ADARB2: variants seen among roughly 807,000 people sequenced by gnomAD.
ADARB2 encodes adenosine deaminase RNA specific B2 (inactive).
Under a neutral mutation model 62.2 loss-of-function variants are expected in ADARB2, and 25 were observed. That is an observed-to-expected ratio of 0.40 (90% CI 0.29 to 0.56). ADARB2 has a LOEUF of 0.56. Among genes scored for constraint, ADARB2 ranks in the 20% least tolerant of loss-of-function variants. The pLI is 0.43. For missense variants in ADARB2, 1,071 were observed against 1,077.4 expected, an observed-to-expected ratio of 0.99 and a Z score of 0.08; for synonymous variants, 572 against 500.8, an observed-to-expected ratio of 1.14 and a Z score of -1.90.
At chr10:1,690,265 C>T (rs562625086) in intron 1 of ADARB2, among the ~76,000 whole-genome samples, 17 of 152,322 alleles carry the variant, frequency 1.1e-4, no homozygotes, top group African/African-American at 3.8e-4. Context: ...AGACACAGTA[C>T]CAGAAAGTAT....
At position 1,200,110 on chromosome 10, in the gene ADARB2, G is replaced by C; in HGVS notation, c.1720C>G (p.His574Asp). 6.4e-7 allele frequency: 1 copy of C among 1,557,902 alleles called. No homozygotes were observed. Among genetic ancestry groups the C allele is most frequent in the Non-Finnish European group, 8.7e-7 (1 of 1,152,030 alleles). Residue 574 changes from histidine to aspartate, a missense_variant, in exon 8 of 10, where the codon CAC (histidine) becomes GAC (aspartate). Transcript: ENST00000381312. ...TGCAGGTACACGGGCTCCACGAAGT[G>C]GGACAGGAGCGCGCCCTGCAGCCCC... ...VLGLQGALLS[H>D]FVEPVYLQSI...
In ADARB2 at chr10:1,368,233, C is replaced by T. The variant is rs377408575; in HGVS notation, c.188-4316G>A. On this transcript the variant is annotated intron_variant, in intron 2 of 9. Coordinates refer to ENST00000381312, the MANE Select transcript of ADARB2 (RefSeq NM_018702.4). The stretch of plus-strand genomic sequence containing the variant: ...AGTCTGGCCAACTGATTTTTTAAGG[C>T]AGAAAATGAAGATTTAAAAAATATT... Among the ~76,000 whole-genome samples the T allele has an allele frequency of 8.2e-5, 12 of 146,748 alleles. No individual in the cohort carries two copies. In the East Asian group the frequency reaches 1.7e-3, roughly 21 times the overall value.
intron 1 of ADARB2, among the ~76,000 whole-genome samples, chr10:1,405,474 AC>A (rs1832699327): frequency 6.6e-6 from 1 of 152,026 alleles, no homozygotes; most frequent in Non-Finnish European, 1.5e-5. Flanking sequence ...TACTAAAAAT[AC>A]AAAAATTAGC....
chr10:1,187,757 G>T, intron 8 of ADARB2: 1 of 340,152 alleles, frequency 2.9e-6, no homozygotes, highest in Non-Finnish European at 6.4e-6. Flanking sequence ...CACACTCCGG[G>T]GACAGAAGGA....
chr10:1,280,659 G>A (rs1831362388), intron 3 of ADARB2, among the ~76,000 whole-genome samples: 2 of 151,466 alleles, frequency 1.3e-5, no homozygotes, highest in South Asian at 4.1e-4. Context: ...GATGCTCCGT[G>A]ATATTCCTGA....
intron 3 of ADARB2, among the ~76,000 whole-genome samples, chr10:1,296,767 T>C (rs1417842403): frequency 1.3e-5 from 2 of 152,210 alleles, no homozygotes; most frequent in African/African-American, 4.8e-5. Context: ...AACAACATAA[T>C]TGGAAAATGG....
At chr10:1,639,081 A>G (rs945861371) in intron 1 of ADARB2, among the ~76,000 whole-genome samples, 1 of 152,228 alleles carries the variant, frequency 6.6e-6, no homozygotes, top group Non-Finnish European at 1.5e-5. Flanking sequence ...CAGGGAGCAG[A>G]CATGCTGTGG....
At chr10:1,403,865 C>A (rs1832685143) in intron 1 of ADARB2, among the ~76,000 whole-genome samples, 1 of 152,228 alleles carries the variant, frequency 6.6e-6, no homozygotes, top group Admixed American at 6.5e-5. Flanking sequence ...GTCCTAGCCT[C>A]CCCTGCTCCT....
chr10:1,701,888 C>T (rs1346783836), intron 1 of ADARB2, among the ~76,000 whole-genome samples: 2 of 150,912 alleles, frequency 1.3e-5, no homozygotes, highest in Non-Finnish European at 3.0e-5. Flanking sequence ...ACCAGGCGCT[C>T]GCCAATACAC....
chr10:1,531,213 G>T (rs1832231782), intron 1 of ADARB2, among the ~76,000 whole-genome samples: 1 of 152,224 alleles, frequency 6.6e-6, no homozygotes, highest in South Asian at 2.1e-4. Flanking sequence ...GAATGATCTA[G>T]TAAATTAGTG....
intron 1 of ADARB2, among the ~76,000 whole-genome samples, chr10:1,494,006 G>A (rs1295641467): frequency 5.9e-5 from 9 of 151,728 alleles, no homozygotes; most frequent in East Asian, 3.9e-4. Flanking sequence ...CACCTGCCTC[G>A]GCCTCCCAAA....
intron 1 of ADARB2, among the ~76,000 whole-genome samples, chr10:1,497,882 G>A (rs1240725472): frequency 1.3e-5 from 2 of 152,052 alleles, no homozygotes; most frequent in African/African-American, 2.4e-5. Context: ...CTTCCTGGAG[G>A]GCATGGAAGT....
chr10:1,271,218 G>A lies in ADARB2; in HGVS notation c.1078-149C>T, dbSNP rs181878713. 8.9e-5 allele frequency: 57 copies of A among 639,954 alleles called. No individual in the cohort carries two copies. The East Asian group carries it at 1.1e-3, about 13-fold the overall frequency. The allele number at this position is 639,954 out of a possible 1,614,324, so 39.6% of individuals were successfully genotyped here. On this transcript the variant is annotated intron_variant, in intron 3 of 9. Transcript: ENST00000381312. ...CCCCTCCTCACAGCCTTGTCACCAC[G>A]TGACCACACACGGCCTCTCCCTGGC...
Position 1,591,548 on chromosome 10 carries a change from T to G in ADARB2, c.100+145503A>C, listed in dbSNP as rs147553877. Among the ~76,000 whole-genome samples, 308 of 152,214 alleles carry G rather than the reference T, an allele frequency of 2.0e-3. 1 individual carries two copies. Among genetic ancestry groups the G allele is most frequent in the African/African-American group, 7.1e-3 (293 of 41,520 alleles). ...GGGGGTTGGGGGACTGCTCCCTGTCTTCAGTGTCTGTGCAATTCAGAAAGT... is the reference window on the plus strand; with the variant it reads ...GGGGGTTGGGGGACTGCTCCCTGTCGTCAGTGTCTGTGCAATTCAGAAAGT... On this transcript the variant is annotated intron_variant, in intron 1 of 9. Transcript: ENST00000381312.
In ADARB2 at chr10:1,555,817, C is replaced by T. The variant is rs557494281; in HGVS notation, c.101-176657G>A. On this transcript the variant is annotated intron_variant, in intron 1 of 9. Coordinates refer to ENST00000381312, the MANE Select transcript of ADARB2 (RefSeq NM_018702.4). ...AGGTGTGATGGCGTGCGCCTGTAAC[C>T]CCAGCTACTCGGCAGGCTGAGGCAA... Among the ~76,000 whole-genome samples, 3 of 152,168 alleles carry T rather than the reference C, an allele frequency of 2.0e-5. No homozygotes were observed. The South Asian group carries it at 6.2e-4, about 32-fold the overall frequency.
At chr10:1,459,371 G>A (rs986942142) in intron 1 of ADARB2, among the ~76,000 whole-genome samples, 3 of 152,212 alleles carry the variant, frequency 2.0e-5, no homozygotes, top group African/African-American at 7.2e-5. Context: ...CATGTCCTTT[G>A]CTGGGACATG....
At chr10:1,281,576 G>A (rs1042777225) in intron 3 of ADARB2, among the ~76,000 whole-genome samples, 3 of 152,212 alleles carry the variant, frequency 2.0e-5, no homozygotes, top group African/African-American at 4.8e-5. Context: ...GACAATTTGC[G>A]TGATTTCTCA....
intron 1 of ADARB2, among the ~76,000 whole-genome samples, chr10:1,615,571 C>T (rs1172215819): frequency 2.0e-5 from 3 of 152,328 alleles, no homozygotes; most frequent in South Asian, 2.1e-4. Flanking sequence ...AGGCACAGAA[C>T]GCACAGACTC....
intron 1 of ADARB2, among the ~76,000 whole-genome samples, chr10:1,472,790 C>T (rs1013818163): frequency 2.6e-5 from 4 of 152,180 alleles, no homozygotes; most frequent in East Asian, 1.9e-4. Flanking sequence ...GGCAGGGCCA[C>T]GCTCCTCACA....
Sources: allele counts gnomAD v4.1 joint callset (sites outside exome capture counted in the v4.1 genomes callset), GRCh38; gene constraint gnomAD v4.1.1; transcripts MANE v1.5; gene names NCBI Gene and HGNC (gene_info 2026-07-23, HGNC 2026-07-21).